DPYSL2: variants seen among roughly 807,000 people sequenced by gnomAD.
DPYSL2 encodes dihydropyrimidinase like 2, also known as dihydropyrimidinase-related protein 2.
A neutral mutation model predicts 69.9 loss-of-function variants in DPYSL2; 13 were observed. The ratio of observed to expected loss-of-function variants is 0.19; its 90% confidence interval spans 0.12 to 0.30. DPYSL2 has a LOEUF of 0.30. Ranked by LOEUF, DPYSL2 falls within the 10% of genes least tolerant of loss-of-function variation. The pLI is 1.00. For synonymous variants in DPYSL2, 326 were observed against 359.1 expected (o/e 0.91, Z 1.04); for missense variants, 587 against 918.9 (o/e 0.64, Z 4.67).
At chr8:26,646,308 C>CAT (rs1023284996) in intron 10 of DPYSL2, among the ~76,000 whole-genome samples, 2 of 151,714 alleles carry the variant, frequency 1.3e-5, no homozygotes. Context: ...TCAAAGGATG[C>CAT]ATATATTTTT....
intron 1 of DPYSL2, chr8:26,548,142 G>T: frequency 4.5e-6 from 1 of 221,748 alleles, no homozygotes; most frequent in Non-Finnish European, 9.3e-6. Flanking sequence ...GAGGATAAAG[G>T]CAGTCAAGAC....
intron 1 of DPYSL2, among the ~76,000 whole-genome samples, chr8:26,567,573 GT>G (rs1315736005): frequency 6.6e-6 from 1 of 152,262 alleles, no homozygotes; most frequent in Non-Finnish European, 1.5e-5. Context: ...CCAGGAGACT[GT>G]TTTGGCACTC....
chr8:26,532,160 G>A (rs73678808), intron 1 of DPYSL2, among the ~76,000 whole-genome samples: 4,272 of 152,288 alleles, frequency 0.028, 208 homozygotes, highest in African/African-American at 0.096. Context: ...CAAGTACAGA[G>A]GAGGACACAG....
chr8:26,637,451 C>G (rs1802946348), intron 8 of DPYSL2: 1 of 152,234 alleles, frequency 6.6e-6, no homozygotes, highest in Admixed American at 6.5e-5. Flanking sequence ...TGGGGCTTGA[C>G]TGTCAGGCAT....
intron 3 of DPYSL2, among the ~76,000 whole-genome samples, chr8:26,615,858 T>C (rs1227207979): frequency 6.6e-6 from 1 of 152,212 alleles, no homozygotes; most frequent in Non-Finnish European, 1.5e-5. Flanking sequence ...AGTATATTTG[T>C]ACAAGGCAAG....
chr8:26,527,310 A>C (rs1808495421), intron 1 of DPYSL2, among the ~76,000 whole-genome samples: 2 of 152,212 alleles, frequency 1.3e-5, no homozygotes, highest in South Asian at 4.1e-4. Context: ...TTTGTTTTAG[A>C]GATATCTTCC....
chr8:26,644,992 CTG>C lies in DPYSL2; in HGVS notation c.1425+905_1425+906del, dbSNP rs1321876007. Among the ~76,000 whole-genome samples the C allele has an allele frequency of 6.6e-6, 1 of 152,160 alleles. No homozygotes were observed. Among genetic ancestry groups the C allele is most frequent in the African/African-American group, 2.4e-5 (1 of 41,422 alleles). Reference sequence around the variant, plus strand: ...AGAATAAGGAAGTAAATAAAAGTCACTGTGTTTCAGATATAACCACAATTAAC... The same window carrying C: ...AGAATAAGGAAGTAAATAAAAGTCACTGTTTCAGATATAACCACAATTAAC... On this transcript the variant is annotated intron_variant, in intron 10 of 13. Coordinates refer to ENST00000521913, the MANE Select transcript of DPYSL2 (RefSeq NM_001197293.3). This position sits in a 1 kb window ranked among gnomAD's most constrained non-coding sequence, Gnocchi z 4.5.
In DPYSL2 at chr8:26,586,619, C is replaced by T. The variant is rs1434942383; in HGVS notation, c.628+2636C>T. On this transcript the variant is annotated intron_variant, in intron 3 of 13. Coordinates refer to ENST00000521913, the MANE Select transcript of DPYSL2 (RefSeq NM_001197293.3). The surrounding 1 kb of genome is among the most constrained non-coding windows in gnomAD (Gnocchi z 4.7). ...CCACCCCGAATTTCTCTTTCGTCTT[C>T]CCCCTCAGAGGCTGTGGCCTTTTTT... 6.6e-6 allele frequency among the ~76,000 whole-genome samples: 1 copy of T among 152,178 alleles called. No homozygotes were observed. The highest frequency in any genetic ancestry group is 2.4e-5 in the African/African-American group (1 of 41,438).
In DPYSL2 at chr8:26,627,785, C is replaced by G. The variant is rs1345978287; in HGVS notation, c.937-87C>G. 7.3e-7 allele frequency: 1 copy of G among 1,367,056 alleles called. No homozygotes were observed. Among genetic ancestry groups the G allele is most frequent in the African/African-American group, 1.4e-5 (1 of 69,824 alleles). The allele number at this position is 1,367,056 out of a possible 1,614,324, so 84.7% of individuals were successfully genotyped here. On this transcript the variant is annotated intron_variant, in intron 6 of 13. Transcript: ENST00000521913. The surrounding 1 kb of genome is among the most constrained non-coding windows in gnomAD (Gnocchi z 6.9). The stretch of plus-strand genomic sequence containing the variant: ...CGGCAGTGGTAATTTTCCATCTTGC[C>G]CGGATAACTGCATGCCCGGGCCTCT...
chr8:26,635,935 G>T (rs1355961051), intron 8 of DPYSL2, among the ~76,000 whole-genome samples: 1 of 152,132 alleles, frequency 6.6e-6, no homozygotes, highest in African/African-American at 2.4e-5. Context: ...GGATCAAGGT[G>T]GGCTGTGGGA....
intron 3 of DPYSL2, among the ~76,000 whole-genome samples, chr8:26,589,941 G>T (rs549833915): frequency 6.6e-6 from 1 of 152,254 alleles, no homozygotes; most frequent in Non-Finnish European, 1.5e-5. Context: ...GAGGCAGGAG[G>T]GCTGGGAGGA....
chr8:26,546,789 C>T (rs1014903084), intron 1 of DPYSL2, among the ~76,000 whole-genome samples: 7 of 151,504 alleles, frequency 4.6e-5, no homozygotes, highest in Non-Finnish European at 8.8e-5. Flanking sequence ...GGCGTGGTGG[C>T]GGGCACCTGT....
chr8:26,549,744 C>G (rs971422916), intron 1 of DPYSL2, among the ~76,000 whole-genome samples: 1 of 152,094 alleles, frequency 6.6e-6, no homozygotes, highest in Non-Finnish European at 1.5e-5. Context: ...CCCATACAAG[C>G]AAGAAGAGAG....
intron 1 of DPYSL2, among the ~76,000 whole-genome samples, chr8:26,575,937 T>C (rs1460782725): frequency 6.6e-6 from 1 of 152,144 alleles, no homozygotes; most frequent in Non-Finnish European, 1.5e-5. Context: ...TTTTCACAAG[T>C]AGAGAGAGGC....
chr8:26,592,905 C>T (rs1370725479), intron 3 of DPYSL2, among the ~76,000 whole-genome samples: 2 of 151,976 alleles, frequency 1.3e-5, no homozygotes, highest in Admixed American at 1.3e-4. Context: ...TTTTCCTCTT[C>T]CTCCCCAAGC....
At chr8:26,645,398 T>C (rs6557932) in intron 10 of DPYSL2, among the ~76,000 whole-genome samples, 114,806 of 151,772 alleles carry the variant, frequency 0.76, 44,592 homozygotes, top group East Asian at 0.85. Context: ...GAGACCCTGT[T>C]TCAAAAAATA....
intron 1 of DPYSL2, among the ~76,000 whole-genome samples, chr8:26,558,428 G>A (rs982504702): frequency 6.6e-6 from 1 of 152,322 alleles, no homozygotes. Context: ...GCTTGGGGAA[G>A]GGGTGAGTGG....
In DPYSL2 at chr8:26,641,155, A is replaced by C. The variant is rs1302929977; in HGVS notation, c.1127-2284A>C. ...CTAGAGGCAGGGCCGAGGAGCAGGC[A>C]CAGGGAGAGGATGAGCGTCGGCAAG... is the stretch of plus-strand genomic sequence containing the variant. On this transcript the variant is annotated intron_variant, in intron 8 of 13. Coordinates refer to ENST00000521913, the MANE Select transcript of DPYSL2 (RefSeq NM_001197293.3). The surrounding 1 kb of genome is among the most constrained non-coding windows in gnomAD (Gnocchi z 4.1). 6.6e-6 allele frequency among the ~76,000 whole-genome samples: 1 copy of C among 152,204 alleles called. No homozygotes were observed. The highest frequency in any genetic ancestry group is 2.4e-5 in the African/African-American group (1 of 41,452).
intron 7 of DPYSL2, among the ~76,000 whole-genome samples, chr8:26,630,001 A>T (rs1802726189): frequency 6.6e-6 from 1 of 152,216 alleles, no homozygotes; most frequent in Non-Finnish European, 1.5e-5. Context: ...ACACGTCCAT[A>T]GGCACAGACA....
Sources: allele counts gnomAD v4.1 joint callset (sites outside exome capture counted in the v4.1 genomes callset), GRCh38; gene constraint gnomAD v4.1.1; non-coding constraint Gnocchi (gnomAD v3.1); transcripts MANE v1.5; gene names NCBI Gene and HGNC (gene_info 2026-07-23, HGNC 2026-07-21).